NDUFAF7: variants seen among roughly 807,000 people sequenced by gnomAD.
The protein encoded by NDUFAF7 is NADH:ubiquinone oxidoreductase complex assembly factor 7, also known as protein arginine methyltransferase NDUFAF7, mitochondrial.
NDUFAF7 carries 48 observed loss-of-function variants against 47.2 expected under a neutral mutation model. The ratio of observed to expected loss-of-function variants is 1.02; its 90% confidence interval spans 0.81 to 1.29. The LOEUF (loss-of-function observed/expected upper bound fraction) is 1.29, where lower values mean the gene tolerates loss of function less well. NDUFAF7 is among the 50% of genes most tolerant of loss of function. The pLI, the probability that NDUFAF7 is intolerant of heterozygous loss-of-function variation, is 0.00. For missense variants in NDUFAF7, 635 were observed against 537.6 expected (o/e 1.18, Z -1.79); for synonymous variants, 217 against 190.0 (o/e 1.14, Z -1.17).
downstream of NDUFAF7, chr2:37,250,803 C>G (rs1667424738): frequency 6.6e-6 from 1 of 152,580 alleles, no homozygotes; most frequent in South Asian, 2.1e-4. Context: ...ACTGAACAGT[C>G]ATTATAGACT....
chr2:37,253,090 G>T (rs1667643809), downstream of NDUFAF7: 2 of 1,335,820 alleles, frequency 1.5e-6, no homozygotes, highest in Non-Finnish European at 1.0e-6. Flanking sequence ...TTGCAGCACT[G>T]CAGATGACAA....
downstream of NDUFAF7, chr2:37,252,732 A>C (rs1306558188): frequency 1.3e-5 from 2 of 151,912 alleles, no homozygotes; most frequent in African/African-American, 4.8e-5. Context: ...CTTAAATACA[A>C]GCCTGTCGAG....
intron 2 of NDUFAF7, 46 bp from the exon 3 acceptor site, chr2:37,236,050 T>G: frequency 6.9e-7 from 1 of 1,454,462 alleles, no homozygotes; most frequent in Non-Finnish European, 9.7e-7. Flanking sequence ...TTTAAAAGGC[T>G]TATTTGAAAA....
the NDUFAF7 span, among the ~76,000 whole-genome samples, chr2:37,266,411 T>TG: frequency 3.3e-5 from 5 of 151,452 alleles, no homozygotes; most frequent in Admixed American, 6.6e-5. Context: ...CTGCAACCTC[T>TG]GCCTCCCAGG....
rs1667239130 is a variant in NDUFAF7, at chr2:37,249,041, CAG to C, written c.*693_*694del. ...AATGAGCTAGGGCAATATGTTTTGACAGAAAACTCTCTAAGATTTAGTAAGTG... is the reference window on the plus strand; with the variant it reads ...AATGAGCTAGGGCAATATGTTTTGACAAAACTCTCTAAGATTTAGTAAGTG... On this transcript the variant is annotated 3_prime_UTR_variant, in exon 10 of 10. Coordinates refer to ENST00000002125, the MANE Select transcript of NDUFAF7 (RefSeq NM_144736.5). 6.6e-6 allele frequency: 1 copy of C among 152,116 alleles called. No homozygotes were observed. Among genetic ancestry groups the C allele is most frequent in the Non-Finnish European group, 1.5e-5 (1 of 68,086 alleles). The allele number at this position is 152,116 out of a possible 1,614,324, so 9.4% of individuals were successfully genotyped here. A position where few individuals can be genotyped will look rare whatever the true frequency, so the allele number is the denominator to read the frequency against.
downstream of NDUFAF7, chr2:37,250,371 C>T (rs1460809744): frequency 1.3e-5 from 2 of 152,058 alleles, no homozygotes; most frequent in East Asian, 3.8e-4. Context: ...TATCTTAACA[C>T]CTAGAAAGTT....
chr2:37,265,507 A>AC, the NDUFAF7 span, among the ~76,000 whole-genome samples: 57 of 152,190 alleles, frequency 3.7e-4, no homozygotes, highest in Admixed American at 7.8e-4. Context: ...ACACACACAC[A>AC]AACACACACA....
chr2:37,267,908 GCA>G, the NDUFAF7 span: 19,513 of 210,642 alleles, frequency 0.093, 1,346 homozygotes, highest in East Asian at 0.33. Context: ...CAATGAGTCA[GCA>G]CAGAGTGATT....
chr2:37,263,105 T>C, the NDUFAF7 span, among the ~76,000 whole-genome samples: 1 of 152,186 alleles, frequency 6.6e-6, no homozygotes, highest in Non-Finnish European at 1.5e-5. Context: ...TTGTTCATTC[T>C]TCAACTCCTT....
intron 3 of NDUFAF7, among the ~76,000 whole-genome samples, chr2:37,236,528 G>C (rs984852774): frequency 3.3e-5 from 5 of 152,040 alleles, no homozygotes; most frequent in Admixed American, 3.3e-4. Flanking sequence ...TGTAATCCCA[G>C]CACTTTGGGA....
At chr2:37,265,133 C>T in the NDUFAF7 span, among the ~76,000 whole-genome samples, 1 of 147,808 alleles carries the variant, frequency 6.8e-6, no homozygotes, top group African/African-American at 2.7e-5. Context: ...GTTCAGACAG[C>T]CTTTCAGGTT....
At chr2:37,252,840 T>C (rs537099976), downstream of NDUFAF7, 2 of 101,738 alleles carry the variant, frequency 2.0e-5, no homozygotes, top group South Asian at 3.2e-4. Flanking sequence ...CAAACATATA[T>C]TTATATTTAT....
the NDUFAF7 span, chr2:37,268,096 C>G: frequency 1.1e-4 from 31 of 294,142 alleles, 1 homozygote; most frequent in Admixed American, 8.2e-4. Context: ...CTATTATGTA[C>G]TAGGTATGCC....
At chr2:37,249,639 T>C (rs1412873831), downstream of NDUFAF7, among the ~76,000 whole-genome samples, 5 of 59,076 alleles carry the variant, frequency 8.5e-5, no homozygotes, top group African/African-American at 5.4e-4. Flanking sequence ...TAGCCTGTGA[T>C]AGAGACACAC....
At chr2:37,255,239 ATGT>A (rs1202781094), downstream of NDUFAF7, among the ~76,000 whole-genome samples, 1 of 152,322 alleles carries the variant, frequency 6.6e-6, no homozygotes, top group East Asian at 1.9e-4. Context: ...CTGTCTTCAC[ATGT>A]TGTTCTTAAA....
At chr2:37,234,146 G>T (rs1665495895) in intron 2 of NDUFAF7, among the ~76,000 whole-genome samples, 1 of 152,184 alleles carries the variant, frequency 6.6e-6, no homozygotes, top group Admixed American at 6.5e-5. Context: ...CTGGAGTGCA[G>T]TAGTGCAATC....
Position 37,235,574 on chromosome 2 carries a change from TC to T in NDUFAF7, c.217-521del, listed in dbSNP as rs1665666016. Among the ~76,000 whole-genome samples the T allele has an allele frequency of 2.6e-5, 4 of 152,294 alleles. No homozygotes were observed. The South Asian group carries it at 8.3e-4, about 32-fold the overall frequency. On this transcript the variant is annotated intron_variant, in intron 2 of 9. Coordinates refer to ENST00000002125, the MANE Select transcript of NDUFAF7 (RefSeq NM_144736.5). The stretch of plus-strand genomic sequence containing the variant: ...TTTACGGTCAAGGTGTAATTGTTTT[TC>T]TACCGGTTTTGTAAAATGACTGTTA...
rs760656098 is a variant in NDUFAF7 at position 37,243,928 on chromosome 2, G to C, written c.747G>C (p.Arg249Ser). The C allele has an allele frequency of 1.9e-6, 3 of 1,613,938 alleles. No individual in the cohort carries two copies. Among genetic ancestry groups the C allele is most frequent in the Non-Finnish European group, 2.5e-6 (3 of 1,179,972 alleles). The change falls in exon 7 of 10, where the codon AGG (arginine) becomes AGC (serine). Residue 249 changes from arginine to serine, a missense_variant. Arg to Ser is a moderately radical substitution (Grantham distance 110, BLOSUM62 -1). Coordinates refer to ENST00000002125, the MANE Select transcript of NDUFAF7 (RefSeq NM_144736.5). The stretch of plus-strand genomic sequence containing the variant: ...ATCCACAGGTTTCTGATAAACTGAG[G>C]TTTGTTTTGGCACCTTCTGCCACCC... Reference protein sequence around the residue: ...DIDPQVSDKLRFVLAPSATPA... With the variant: ...DIDPQVSDKLSFVLAPSATPA...
At chr2:37,261,740 A>G in the NDUFAF7 span, among the ~76,000 whole-genome samples, 5 of 152,210 alleles carry the variant, frequency 3.3e-5, no homozygotes, top group Admixed American at 1.3e-4. Context: ...AGATTGCGCC[A>G]TTGCACTCTA....
Sources: gnomAD v4.1 joint callset for allele counts (sites outside exome capture counted in the v4.1 genomes callset) on GRCh38, gnomAD v4.1.1 for gene constraint, MANE v1.5 for transcripts, NCBI Gene and HGNC (gene_info 2026-07-23, HGNC 2026-07-21) for gene names.